ACTC1: variants seen among roughly 807,000 people sequenced by gnomAD.
ACTC1 encodes the protein actin, alpha cardiac muscle 1.
A neutral mutation model predicts 31.6 loss-of-function variants in ACTC1; 10 were observed. The observed-to-expected ratio is 0.32, with a 90% CI of 0.19 to 0.54. The LOEUF (loss-of-function observed/expected upper bound fraction) is 0.54. Ranked by LOEUF, ACTC1 falls within the 20% of genes least tolerant of loss-of-function variation. The probability of loss-of-function intolerance (pLI) is 0.95; values close to 1 mark genes in which losing one functional copy is unlikely to be tolerated. For missense variants in ACTC1, 129 were observed against 506.4 expected (o/e 0.25, Z 7.15); for synonymous variants, 196 against 185.0 (o/e 1.06, Z -0.48).
In ACTC1 at chr15:34,793,180, T is replaced by C; in HGVS notation, c.454+65A>G. On this transcript the variant is annotated intron_variant, in intron 3 of 6. Transcript: ENST00000290378. The surrounding 1 kb of genome is among the most constrained non-coding windows in gnomAD (Gnocchi z 4.8). ...TCCCTTTTTCAACTGGGGGATCTGA[T>C]TCACAGCAAGGTCGGTGACTTGGGA... 6.5e-7 allele frequency: 1 copy of C among 1,528,864 alleles called. No individual in the cohort carries two copies. Among genetic ancestry groups the C allele is most frequent in the South Asian group, 1.1e-5 (1 of 87,976 alleles). 94.7% of individuals were successfully genotyped at this position (1,528,864 alleles called of 1,614,324 possible). A position where few individuals can be genotyped will look rare whatever the true frequency, so the allele number is the denominator to read the frequency against.
At position 34,792,691 on chromosome 15, in the gene ACTC1, A is replaced by G. The variant is rs996224488; in HGVS notation, c.455-122T>C. On this transcript the variant is annotated intron_variant, in intron 3 of 6. Coordinates refer to ENST00000290378, the MANE Select transcript of ACTC1 (RefSeq NM_005159.5). The surrounding 1 kb of genome is among the most constrained non-coding windows in gnomAD (Gnocchi z 5.3). ...GCTAGCAATGGGCATTGATCCAGAT[A>G]AAATTAGATTCCTTACACACAAAGA... 2.5e-5 allele frequency: 26 copies of G among 1,021,808 alleles called. No individual in the cohort carries two copies. Among genetic ancestry groups the G allele is most frequent in the Non-Finnish European group, 3.6e-5 (24 of 661,670 alleles). 63.3% of individuals were successfully genotyped at this position (1,021,808 alleles called of 1,614,324 possible). A position where few individuals can be genotyped will look rare whatever the true frequency, so the allele number is the denominator to read the frequency against.
intron 5 of ACTC1, 103 bp downstream of exon 5, chr15:34,791,987 C>T (rs1025085646): frequency 6.2e-6 from 8 of 1,296,414 alleles, no homozygotes; most frequent in Non-Finnish European, 8.8e-6. Context: ...CAAACTATGA[C>T]TTCTTTTAAC....
In ACTC1 at chr15:34,792,810, A is replaced by G; in HGVS notation, c.455-241T>C. On this transcript the variant is annotated intron_variant, in intron 3 of 6. Transcript: ENST00000290378. This position sits in a 1 kb window ranked among gnomAD's most constrained non-coding sequence, Gnocchi z 5.3. ...GAAAAAATTCCCGAGGACACTTTCA[A>G]ATGACCATCTTTCTTGTCAGCCACG... is the stretch of plus-strand genomic sequence containing the variant. 1.8e-6 allele frequency: 1 copy of G among 560,596 alleles called. No individual in the cohort carries two copies. The highest frequency in any genetic ancestry group is 3.2e-6 in the Non-Finnish European group (1 of 314,990). The allele number at this position is 560,596 out of a possible 1,614,324, so 34.7% of individuals were successfully genotyped here.
Position 34,793,309 on chromosome 15 carries a change from A to G in ACTC1, c.390T>C (p.Asn130=), listed in dbSNP as rs1212439047. 6.2e-7 allele frequency: 1 copy of G among 1,614,076 alleles called. No homozygotes were observed. Among genetic ancestry groups the G allele is most frequent in the East Asian group, 2.2e-5 (1 of 44,900 alleles). The change falls in exon 3 of 7, where the codon AAT becomes AAC. Residue 130 remains asparagine, a synonymous_variant. Coordinates refer to ENST00000290378, the MANE Select transcript of ACTC1 (RefSeq NM_005159.5). The surrounding 1 kb of genome is among the most constrained non-coding windows in gnomAD (Gnocchi z 4.8). ...GGATGGCCACGTACATGGCAGGGACATTGAAGGTCTCAAACATGATCTGAG... is the reference window on the plus strand; with the variant it reads ...GGATGGCCACGTACATGGCAGGGACGTTGAAGGTCTCAAACATGATCTGAG... ...KMTQIMFETF[N]VPAMYVAIQA...
Position 34,793,837 on chromosome 15 carries a change from C to T in ACTC1, c.130-268G>A, listed in dbSNP as rs986309290. 5.3e-5 allele frequency among the ~76,000 whole-genome samples: 8 copies of T among 152,168 alleles called. No individual in the cohort carries two copies. Among genetic ancestry groups the T allele is most frequent in the African/African-American group, 1.9e-4 (8 of 41,428 alleles). On this transcript the variant is annotated intron_variant, in intron 2 of 6. Coordinates refer to ENST00000290378, the MANE Select transcript of ACTC1 (RefSeq NM_005159.5). The surrounding 1 kb of genome is among the most constrained non-coding windows in gnomAD (Gnocchi z 4.8). ...TTCCACTGAAGAAGCAGAGCCTCAC[C>T]TCACCTTAAAAATATCATATGCCTT...
Position 34,792,397 on chromosome 15 carries a change from C to A in ACTC1, c.616+11G>T, listed in dbSNP as rs762753367. On this transcript the variant is annotated intron_variant, in intron 4 of 6. Coordinates refer to ENST00000290378, the MANE Select transcript of ACTC1 (RefSeq NM_005159.5). The surrounding 1 kb of genome is among the most constrained non-coding windows in gnomAD (Gnocchi z 5.3). ...GACCCACACTGTGGCAGATGAGACA[C>A]ACACACTCACCAGTGGTGACAAAGG... 5 of 1,614,226 alleles carry A rather than the reference C, an allele frequency of 3.1e-6. No individual in the cohort carries two copies. In the South Asian group the frequency reaches 3.3e-5, roughly 11 times the overall value.
In ACTC1 at chr15:34,790,502, C is replaced by A; in HGVS notation, c.1044G>T (p.Leu348=). 6.2e-7 allele frequency: 1 copy of A among 1,614,104 alleles called. No individual in the cohort carries two copies. Among genetic ancestry groups the A allele is most frequent in the Non-Finnish European group, 8.5e-7 (1 of 1,180,022 alleles). Residue 348 remains leucine (L), a synonymous_variant, in exon 7 of 7, where the codon CTG becomes CTT. Transcript: ENST00000290378. ...KYSVWIGGSI[L]ASLSTFQQMW... ...TTTGCTGGAAGGTGGACAGAGAGGCCAGGATGGAGCCCCCAATCCAGACAG... is the reference window on the plus strand; with the variant it reads ...TTTGCTGGAAGGTGGACAGAGAGGCAAGGATGGAGCCCCCAATCCAGACAG...
rs1338608928 is a variant in ACTC1 at position 34,791,107 on chromosome 15, T to C, written c.990+7A>G. ...CCTCGGATCTCCCACTCACAAAAGT[T>C]CTTTACCTTAATCTTCATGGTGCTA... On this transcript the variant is annotated splice_region_variant and intron_variant, in intron 6 of 6. Transcript: ENST00000290378. 1 of 1,588,382 alleles carries C rather than the reference T, an allele frequency of 6.3e-7. No homozygotes were observed. The highest frequency in any genetic ancestry group is 8.6e-7 in the Non-Finnish European group (1 of 1,162,790).
At position 34,792,466 on chromosome 15, in the gene ACTC1, G is replaced by A. The variant is rs1891724406; in HGVS notation, c.558C>T (p.Asp186=). The part of the protein sequence containing the change: ...AIMRLDLAGR[D]LTDYLMKILT... ...GGATCTTCATGAGGTAGTCAGTGAG[G>A]TCCCGACCAGCCAGATCCAGACGCA... The change falls in exon 4 of 7, where the codon GAC becomes GAT. Residue 186 remains aspartate, a synonymous_variant. Transcript: ENST00000290378. This position sits in a 1 kb window ranked among gnomAD's most constrained non-coding sequence, Gnocchi z 5.3. The A allele has an allele frequency of 1.9e-6, 3 of 1,614,168 alleles. No individual in the cohort carries two copies. The highest frequency in any genetic ancestry group is 2.5e-6 in the Non-Finnish European group (3 of 1,180,028).
At position 34,792,127 on chromosome 15, in the gene ACTC1, GA is replaced by G; in HGVS notation, c.770del (p.Phe257SerfsTer29). 6.2e-7 allele frequency: 1 copy of G among 1,614,220 alleles called. No individual in the cohort carries two copies. The highest frequency in any genetic ancestry group is 8.5e-7 in the Non-Finnish European group (1 of 1,180,040). On this transcript the variant is annotated frameshift_variant, in exon 5 of 7. Coordinates refer to ENST00000290378, the MANE Select transcript of ACTC1 (RefSeq NM_005159.5). LOFTEE classifies it high-confidence loss of function. This position sits in a 1 kb window ranked among gnomAD's most constrained non-coding sequence, Gnocchi z 5.3. ...GQVITIGNER[F>X]RCPETLFQPS... Reference sequence around the variant, plus strand: ...GCTGGAAGAGTGTCTCAGGACAGCGGAAGCGCTCATTGCCAATAGTGATGAC... The same window carrying G: ...GCTGGAAGAGTGTCTCAGGACAGCGGAGCGCTCATTGCCAATAGTGATGAC...
chr15:34,794,773 G>A lies in ACTC1; in HGVS notation c.36C>T (p.Cys12=). 2.5e-6 allele frequency: 4 copies of A among 1,613,664 alleles called. No individual in the cohort carries two copies. Among genetic ancestry groups the A allele is most frequent in the Non-Finnish European group, 3.4e-6 (4 of 1,179,822 alleles). Residue 12 remains cysteine, a synonymous_variant, in exon 2 of 7, where the codon TGC becomes TGT. Coordinates refer to ENST00000290378, the MANE Select transcript of ACTC1 (RefSeq NM_005159.5). ...CCTTCACCAGCCCAGAGCCGTTGTCGCACACCAGGGCGGTGGTCTCCTCGT... is the reference window on the plus strand; with the variant it reads ...CCTTCACCAGCCCAGAGCCGTTGTCACACACCAGGGCGGTGGTCTCCTCGT... ...CDDEETTALV[C]DNGSGLVKAG... is the part of the protein sequence containing the mutation.
intron 5 of ACTC1, chr15:34,791,575 T>C (rs1375592459): frequency 4.3e-6 from 2 of 466,096 alleles, no homozygotes; most frequent in African/African-American, 1.9e-5. Flanking sequence ...TGTATGAAGA[T>C]GTATTGGAAA....
intron 5 of ACTC1, chr15:34,791,579 T>C (rs899737278): frequency 2.6e-5 from 12 of 457,702 alleles, no homozygotes; most frequent in East Asian, 1.8e-4. Context: ...TGAAGATGTA[T>C]TGGAAAAGGA....
chr15:34,794,660 G>GA lies in ACTC1; in HGVS notation c.129+19_129+20insT, dbSNP rs386134228. On this transcript the variant is annotated intron_variant, in intron 2 of 6. Coordinates refer to ENST00000290378, the MANE Select transcript of ACTC1 (RefSeq NM_005159.5). ...CTGAAGGGGTCCCGAGTGGGACGGG[G>GA]GGCTCGGCGGGAAGTTTACCTGGTG... The GA allele has an allele frequency of 5.9e-4, 947 of 1,608,334 alleles. 13 individuals are homozygous for GA. The South Asian group carries it at 0.01, about 17-fold the overall frequency.
rs1340195727 is a variant in ACTC1, at chr15:34,792,663, GAT to G, written c.455-96_455-95del. Reference sequence around the variant, plus strand: ...AGCCCGCTTCCAATCTTGGCTAAGAGATGCTAGCAATGGGCATTGATCCAGAT... The same window carrying G: ...AGCCCGCTTCCAATCTTGGCTAAGAGGCTAGCAATGGGCATTGATCCAGAT... On this transcript the variant is annotated intron_variant, in intron 3 of 6. Transcript: ENST00000290378. The surrounding 1 kb of genome is among the most constrained non-coding windows in gnomAD (Gnocchi z 5.3). 2.9e-6 allele frequency: 4 copies of G among 1,371,078 alleles called. No homozygotes were observed. The African/African-American group carries it at 5.7e-5, about 20-fold the overall frequency. 84.9% of individuals were successfully genotyped at this position (1,371,078 alleles called of 1,614,324 possible).
Position 34,791,126 on chromosome 15 carries a change from G to A in ACTC1, c.978C>T (p.Thr326=), listed in dbSNP as rs886051089. 6.3e-7 allele frequency: 1 copy of A among 1,599,104 alleles called. No homozygotes were observed. The highest frequency in any genetic ancestry group is 8.6e-7 in the Non-Finnish European group (1 of 1,168,550). Residue 326 remains threonine, a synonymous_variant, in exon 6 of 7, where the codon ACC becomes ACT. Coordinates refer to ENST00000290378, the MANE Select transcript of ACTC1 (RefSeq NM_005159.5). ...QKEITALAPS[T]MKIKIIAPPE... ...AAAAGTTCTTTACCTTAATCTTCATGGTGCTAGGAGCCAGAGCAGTGATTT... is the reference window on the plus strand; with the variant it reads ...AAAAGTTCTTTACCTTAATCTTCATAGTGCTAGGAGCCAGAGCAGTGATTT...
chr15:34,792,362 G>A lies in ACTC1; in HGVS notation c.616+46C>T. On this transcript the variant is annotated intron_variant, in intron 4 of 6. Coordinates refer to ENST00000290378, the MANE Select transcript of ACTC1 (RefSeq NM_005159.5). The surrounding 1 kb of genome is among the most constrained non-coding windows in gnomAD (Gnocchi z 5.3). Reference sequence around the variant, plus strand: ...GAGGTAGGCGGATTCAGTGAGAGAGGAGGAAAGCAGACCCACACTGTGGCA... The same window carrying A: ...GAGGTAGGCGGATTCAGTGAGAGAGAAGGAAAGCAGACCCACACTGTGGCA... 6.2e-7 allele frequency: 1 copy of A among 1,614,054 alleles called. No individual in the cohort carries two copies. Among genetic ancestry groups the A allele is most frequent in the Non-Finnish European group, 8.5e-7 (1 of 1,179,920 alleles).
At chr15:34,794,941 G>A (rs1395650494) in intron 1 of ACTC1, 111 bp from the exon 2 acceptor site, 3 of 1,002,376 alleles carry the variant, frequency 3.0e-6, no homozygotes, top group Non-Finnish European at 4.2e-6. Context: ...ACTGGACAGG[G>A]GGTTGGGCGG....
Position 34,794,835 on chromosome 15 carries a change from A to G in ACTC1, c.-22-5T>C, listed in dbSNP as rs554219325. 1 of 1,558,640 alleles carries G rather than the reference A, an allele frequency of 6.4e-7. No homozygotes were observed. Among genetic ancestry groups the G allele is most frequent in the Non-Finnish European group, 8.7e-7 (1 of 1,143,732 alleles). ...TTGGCACAGCTTCAGGGGGTTCTGC[A>G]GGTTGAGGAGGGGAGGGCGGACCAC... On this transcript the variant is annotated splice_region_variant and splice_polypyrimidine_tract_variant and intron_variant, in intron 1 of 6. Transcript: ENST00000290378.
Sources: gnomAD v4.1 joint callset for allele counts (sites outside exome capture counted in the v4.1 genomes callset) on GRCh38, gnomAD v4.1.1 for gene constraint, Gnocchi (gnomAD v3.1) non-coding constraint, MANE v1.5 for transcripts, NCBI Gene and HGNC (gene_info 2026-07-23, HGNC 2026-07-21) for gene names.